The following SETDB1 variants were observed in gnomAD, a reference collection of about 807,000 sequenced individuals.
SETDB1 encodes SET domain bifurcated histone lysine methyltransferase 1, also known as histone-lysine N-methyltransferase SETDB1.
SETDB1 carries 31 observed loss-of-function variants against 137.4 expected under a neutral mutation model. The observed-to-expected ratio is 0.23, with a 90% CI of 0.17 to 0.30. The LOEUF is 0.30. SETDB1 is among the 10% of genes least tolerant of loss of function. The pLI is 1.00. For synonymous variants in SETDB1, 548 were observed against 579.9 expected, an observed-to-expected ratio of 0.95 and a Z score of 0.79; for missense variants, 1,113 against 1,631.5, an observed-to-expected ratio of 0.68 and a Z score of 5.47.
At chr1:150,931,283 G>GAAAAAAAAAAAAAAAAT (rs1669734317) in intron 3 of SETDB1, among the ~76,000 whole-genome samples, 1 of 76,440 alleles carries the variant, frequency 1.3e-5, no homozygotes, top group African/African-American at 4.4e-5. Flanking sequence ...AAAAAAAAAG[G>GAAAAAAAAAAAAAAAAT]GTTTCCAGAA....
intron 8 of SETDB1, 38 bp from the exon 9 acceptor site, chr1:150,944,880 C>T (rs1558018276): frequency 2.5e-6 from 4 of 1,610,464 alleles, no homozygotes; most frequent in East Asian, 2.2e-5. Flanking sequence ...AAGACATGCC[C>T]TACCTGCCCT....
At position 150,961,463 on chromosome 1, in the gene SETDB1, G is replaced by A. The variant is rs139410170; in HGVS notation, c.3132+272G>A. On this transcript the variant is annotated intron_variant, in intron 16 of 21. Coordinates refer to ENST00000692827, the MANE Select transcript of SETDB1 (RefSeq NM_001366418.1). ...AAGTTCAGGAGTTGGAGACCATCCT[G>A]GCCAACATGGTGAAACCCCGTCTCT... 802 of 404,728 alleles carry A rather than the reference G, an allele frequency of 2.0e-3. 5 individuals carry two copies. The highest frequency in any genetic ancestry group is 0.015 in the African/African-American group (727 of 48,662). 25.1% of individuals were successfully genotyped at this position (404,728 alleles called of 1,614,324 possible).
chr1:150,953,074 G>GTAAGC (rs1270668698), intron 14 of SETDB1, among the ~76,000 whole-genome samples: 1 of 152,192 alleles, frequency 6.6e-6, no homozygotes, highest in Non-Finnish European at 1.5e-5. Flanking sequence ...CGGCTCAGGA[G>GTAAGC]TAAGCCCTGG....
intron 16 of SETDB1, 136 bp from the exon 17 acceptor site, chr1:150,961,994 G>A: frequency 2.1e-6 from 2 of 975,160 alleles, no homozygotes; most frequent in East Asian, 2.4e-5. Context: ...AAGTTGCAGA[G>A]TGGTTTACCC....
At chr1:150,945,680 C>G (rs956521193) in intron 9 of SETDB1, among the ~76,000 whole-genome samples, 1 of 152,132 alleles carries the variant, frequency 6.6e-6, no homozygotes, top group African/African-American at 2.4e-5. Flanking sequence ...TACCTCAGCC[C>G]GTTACTTCTA....
At chr1:150,942,493 C>T (rs1571638987) in intron 5 of SETDB1, 70 bp from the exon 6 acceptor site, 1 of 1,361,804 alleles carries the variant, frequency 7.3e-7, no homozygotes, top group East Asian at 2.3e-5. Context: ...ACCATACTAC[C>T]CTCTTTACCT....
rs949072402 is a variant in SETDB1 at position 150,961,196 on chromosome 1, G to A, written c.3132+5G>A. 2 of 1,612,310 alleles carry A rather than the reference G, an allele frequency of 1.2e-6. No individual in the cohort carries two copies. The highest frequency in any genetic ancestry group is 1.7e-6 in the Non-Finnish European group (2 of 1,179,834). On this transcript the variant is annotated splice_donor_5th_base_variant and intron_variant, in intron 16 of 21. Coordinates refer to ENST00000692827, the MANE Select transcript of SETDB1 (RefSeq NM_001366418.1). ...ATCAAACAGGCCAAGAAAGAGGTAA[G>A]CAGTGGCAGAACACTCTGAGAGCTA...
chr1:150,961,374 C>T (rs1366613442), intron 16 of SETDB1, 183 bp downstream of exon 16: 6 of 641,132 alleles, frequency 9.4e-6, no homozygotes, highest in South Asian at 7.6e-5. Flanking sequence ...AATTATTGAC[C>T]GGGCACAGTG....
rs16832290 is a variant in SETDB1 at position 150,945,220 on chromosome 1, C to T, written c.1140+112C>T. 2.4e-4 allele frequency: 368 copies of T among 1,518,550 alleles called. 1 individual carries two copies. In the African/African-American group the frequency reaches 3.8e-3, roughly 16 times the overall value. The allele number at this position is 1,518,550 out of a possible 1,614,324, so 94.1% of individuals were successfully genotyped here. A position where few individuals can be genotyped will look rare whatever the true frequency, so the allele number is the denominator to read the frequency against. On this transcript the variant is annotated intron_variant, in intron 9 of 21. Coordinates refer to ENST00000692827, the MANE Select transcript of SETDB1 (RefSeq NM_001366418.1). ...CCATAGCCTTCCTCTTTCTTATCCT[C>T]GTATGTGTTCTCACTGTTTTTGGTC... is the stretch of plus-strand genomic sequence containing the variant.
intron 4 of SETDB1, 29 bp downstream of exon 4, chr1:150,940,003 G>A: frequency 6.3e-7 from 1 of 1,590,720 alleles, no homozygotes; most frequent in South Asian, 1.1e-5. Context: ...GGAAGGGTGA[G>A]AGATAAGAAT....
chr1:150,961,317 A>C (rs907924988), intron 16 of SETDB1, 126 bp downstream of exon 16: 17 of 990,998 alleles, frequency 1.7e-5, no homozygotes, highest in African/African-American at 1.1e-4. Flanking sequence ...CCACCTCGTT[A>C]TCTCTCCCCC....
chr1:150,943,987 C>G lies in SETDB1; in HGVS notation c.943C>G (p.Arg315Gly). 6.2e-7 allele frequency: 1 copy of G among 1,609,106 alleles called. No individual in the cohort carries two copies. The highest frequency in any genetic ancestry group is 8.5e-7 in the Non-Finnish European group (1 of 1,175,464). ...ACAGTCGGAACTGTATCCCATTTGC[C>G]GGCCACGTGAGTGTTTCTCCCTTAT... ...VTQSELYPIC[R>G]PLKKTWEDIE... The change falls in exon 8 of 22, where the codon CGG (arginine) becomes GGG (glycine). Residue 315 changes from arginine (R) to glycine (G), a missense_variant. This residue lies in a region of SETDB1 where 154 missense variants were observed against 303.1 expected (regional missense o/e 0.51). Transcript: ENST00000692827.
chr1:150,951,244 A>G (rs1233760105), intron 13 of SETDB1, 121 bp from the exon 14 acceptor site: 17 of 1,122,714 alleles, frequency 1.5e-5, no homozygotes, highest in Admixed American at 6.0e-5. Context: ...CATGAAAGCT[A>G]TGAGGTAGGG....
At chr1:150,934,449 G>A (rs1258187823) in intron 3 of SETDB1, among the ~76,000 whole-genome samples, 3 of 152,080 alleles carry the variant, frequency 2.0e-5, no homozygotes, top group Non-Finnish European at 4.4e-5. Flanking sequence ...CTCCAGCCTG[G>A]GCGACAGAGC....
Position 150,964,727 on chromosome 1 carries a change from G to A in SETDB1, c.*363G>A. On this transcript the variant is annotated 3_prime_UTR_variant, in exon 22 of 22. Transcript: ENST00000692827. ...TTTCTTGAAAGTCTTTTAACAATAT[G>A]ATAAAACTAAGATTGTGGTTTTGTT... 1.8e-6 allele frequency: 1 copy of A among 565,654 alleles called. No individual in the cohort carries two copies. The highest frequency in any genetic ancestry group is 3.1e-6 in the Non-Finnish European group (1 of 317,704). 35.0% of individuals were successfully genotyped at this position (565,654 alleles called of 1,614,324 possible).
At position 150,932,040 on chromosome 1, in the gene SETDB1, T is replaced by C. The variant is rs587763559; in HGVS notation, c.412+1922T>C. Among the ~76,000 whole-genome samples, 362 of 152,168 alleles carry C rather than the reference T, an allele frequency of 2.4e-3. 1 individual carries two copies. The highest frequency in any genetic ancestry group is 4.4e-3 in the Non-Finnish European group (301 of 68,010). Reference sequence around the variant, plus strand: ...TTCCTGGAGTAAACCAGCCTTGGTCTTGATGTATAATTCTTTTTATATGTT... The same window carrying C: ...TTCCTGGAGTAAACCAGCCTTGGTCCTGATGTATAATTCTTTTTATATGTT... On this transcript the variant is annotated intron_variant, in intron 3 of 21. Coordinates refer to ENST00000692827, the MANE Select transcript of SETDB1 (RefSeq NM_001366418.1).
Position 150,962,653 on chromosome 1 carries a change from C to T in SETDB1, c.3228C>T (p.Arg1076=), listed in dbSNP as rs1334356572. Residue 1076 remains arginine (R), a synonymous_variant, in exon 18 of 22, where the codon CGC becomes CGT. Coordinates refer to ENST00000692827, the MANE Select transcript of SETDB1 (RefSeq NM_001366418.1). ...PSPVKPEGLR[R]PPSKTSMHQS... is the part of the protein sequence containing the mutation. ...CTGTGAAGCCTGAAGGACTTCGCCG[C>T]CCACCTAGTAAGACTAGTATGCATC... is the stretch of plus-strand genomic sequence containing the variant. The T allele has an allele frequency of 1.2e-6, 2 of 1,613,796 alleles. No individual in the cohort carries two copies. Among genetic ancestry groups the T allele is most frequent in the Non-Finnish European group, 1.7e-6 (2 of 1,179,692 alleles).
At chr1:150,958,236 T>C (rs1199318434) in intron 14 of SETDB1, among the ~76,000 whole-genome samples, 3 of 144,072 alleles carry the variant, frequency 2.1e-5, no homozygotes, top group Non-Finnish European at 4.6e-5. Flanking sequence ...CTTTTTTTTT[T>C]TCTTTTTTTT....
At chr1:150,959,627 TCC>T (rs1307343561) in intron 15 of SETDB1, among the ~76,000 whole-genome samples, 2 of 152,220 alleles carry the variant, frequency 1.3e-5, no homozygotes, top group Non-Finnish European at 2.9e-5. Context: ...TATCATTTTC[TCC>T]CATGTCACTC....
Sources: allele counts gnomAD v4.1 joint callset (sites outside exome capture counted in the v4.1 genomes callset), GRCh38; gene constraint gnomAD v4.1.1; regional missense constraint gnomAD v4.1.1; transcripts MANE v1.5; gene names NCBI Gene and HGNC (gene_info 2026-07-23, HGNC 2026-07-21).